PCDHGA10: variants seen among roughly 807,000 people sequenced by gnomAD.
PCDHGA10 encodes protocadherin gamma-A10.
In PCDHGA10, 42 loss-of-function variants were observed where a neutral mutation model predicts 59.5. The observed-to-expected ratio is 0.71, with a 90% confidence interval of 0.55 to 0.91. The LOEUF is 0.91. PCDHGA10 is among the 40% of genes least tolerant of loss of function. The pLI, the probability that PCDHGA10 is intolerant of heterozygous loss-of-function variation, is 0.00. For missense variants in PCDHGA10, 1,111 were observed against 1,198.2 expected (o/e 0.93, Z 1.07); for synonymous variants, 511 against 517.2 (o/e 0.99, Z 0.16).
intron 1 of PCDHGA10, among the ~76,000 whole-genome samples, chr5:141,481,105 T>C (rs1357970765): frequency 6.6e-6 from 1 of 152,188 alleles, no homozygotes; most frequent in Non-Finnish European, 1.5e-5. Flanking sequence ...CTCTGGAACC[T>C]ACCAATCCAT....
chr5:141,422,069 C>A, intron 1 of PCDHGA10: 3 of 1,611,836 alleles, frequency 1.9e-6, no homozygotes, highest in Non-Finnish European at 2.5e-6. Flanking sequence ...GTAATGTATT[C>A]ATTTCGGAAC....
rs1275819200 is a variant in PCDHGA10, at chr5:141,491,620, A to G, written c.2437-3187A>G. 5 of 1,613,788 alleles carry G rather than the reference A, an allele frequency of 3.1e-6. No individual in the cohort carries two copies. Among genetic ancestry groups the G allele is most frequent in the Non-Finnish European group, 4.2e-6 (5 of 1,180,014 alleles). On this transcript the variant is annotated intron_variant, in intron 1 of 3. Coordinates refer to ENST00000398610, the MANE Select transcript of PCDHGA10 (RefSeq NM_018913.3). The surrounding 1 kb of genome is among the most constrained non-coding windows in gnomAD (Gnocchi z 6.9). ...TGACTTCACTTTTCTAAGACCCCTC[A>G]GCGTTCAGCAGCCCACAGCTCTGGC...
intron 1 of PCDHGA10, among the ~76,000 whole-genome samples, chr5:141,439,662 G>A (rs2098125902): frequency 6.6e-6 from 1 of 152,150 alleles, no homozygotes; most frequent in South Asian, 2.1e-4. Flanking sequence ...TAATTTCATG[G>A]AATGCAAATC....
chr5:141,437,800 C>G (rs963856257), intron 1 of PCDHGA10, among the ~76,000 whole-genome samples: 1 of 150,744 alleles, frequency 6.6e-6, no homozygotes, highest in African/African-American at 2.4e-5. Flanking sequence ...TGCAGTGGCA[C>G]TATCTTGGCT....
intron 1 of PCDHGA10, among the ~76,000 whole-genome samples, chr5:141,454,065 G>A (rs1167102666): frequency 1.3e-5 from 2 of 152,204 alleles, no homozygotes; most frequent in Non-Finnish European, 2.9e-5. Flanking sequence ...AGAAACAAAA[G>A]TGATAATGTT....
chr5:141,506,085 G>A lies in PCDHGA10; in HGVS notation c.2584+604G>A, dbSNP rs532931472. Among the ~76,000 whole-genome samples the A allele has an allele frequency of 2.6e-4, 39 of 152,168 alleles. 1 individual carries two copies. In the South Asian group the frequency reaches 2.9e-3, roughly 11 times the overall value. On this transcript the variant is annotated intron_variant, in intron 3 of 3. Coordinates refer to ENST00000398610, the MANE Select transcript of PCDHGA10 (RefSeq NM_018913.3). ...AGGGCTTCCTTTGTAATAGAGATTC[G>A]GCTAGTGGTGGTTGTCCCTGAAGAG...
chr5:141,422,066 A>G, intron 1 of PCDHGA10: 1 of 1,612,154 alleles, frequency 6.2e-7, no homozygotes. Context: ...GAAGTAATGT[A>G]TTCATTTCGG....
chr5:141,472,290 C>T (rs2099275934), intron 1 of PCDHGA10, among the ~76,000 whole-genome samples: 2 of 152,096 alleles, frequency 1.3e-5, no homozygotes, highest in Admixed American at 6.6e-5. Flanking sequence ...ACCTGTAATC[C>T]CAGCACTTTG....
Position 141,486,335 on chromosome 5 carries a change from C to T in PCDHGA10, c.2437-8472C>T, listed in dbSNP as rs762408704. ...AGGGTCAAACGGAGATGTGAGCCTC[C>T]GCATTCCTGACCACTTGCCATTTGC... On this transcript the variant is annotated intron_variant, in intron 1 of 3. Transcript: ENST00000398610. The surrounding 1 kb of genome is among the most constrained non-coding windows in gnomAD (Gnocchi z 5.0). 6.2e-6 allele frequency: 10 copies of T among 1,613,936 alleles called. No individual in the cohort carries two copies. Among genetic ancestry groups the T allele is most frequent in the Middle Eastern group, 1.6e-4 (1 of 6,082 alleles).
intron 1 of PCDHGA10, among the ~76,000 whole-genome samples, chr5:141,484,544 A>G (rs1160398392): frequency 6.6e-6 from 1 of 152,144 alleles, no homozygotes; most frequent in Non-Finnish European, 1.5e-5. Flanking sequence ...CAGTGGTTCT[A>G]ATTAGCAGTT....
Position 141,432,046 on chromosome 5 carries a change from C to G in PCDHGA10, c.2436+16435C>G, listed in dbSNP as rs1389286417. The G allele has an allele frequency of 6.2e-7, 1 of 1,614,224 alleles. No individual in the cohort carries two copies. The highest frequency in any genetic ancestry group is 2.2e-5 in the East Asian group (1 of 44,886). The stretch of plus-strand genomic sequence containing the variant: ...CAGTGACCGCCACTGACCGGGGAAC[C>G]CCGCCCCTATCCACGGAAACTCATA... On this transcript the variant is annotated intron_variant, in intron 1 of 3. Coordinates refer to ENST00000398610, the MANE Select transcript of PCDHGA10 (RefSeq NM_018913.3). This position sits in a 1 kb window ranked among gnomAD's most constrained non-coding sequence, Gnocchi z 6.0.
intron 1 of PCDHGA10, among the ~76,000 whole-genome samples, chr5:141,446,868 C>T (rs980547855): frequency 6.6e-6 from 1 of 152,160 alleles, no homozygotes; most frequent in Non-Finnish European, 1.5e-5. Flanking sequence ...TAGCTCTACA[C>T]TGGTATGTTT....
At chr5:141,422,500 G>A (rs762511271) in intron 1 of PCDHGA10, 1 of 1,614,008 alleles carries the variant, frequency 6.2e-7, no homozygotes, top group Non-Finnish European at 8.5e-7. Flanking sequence ...AACGTTGACA[G>A]CCACAGACCA....
chr5:141,421,927 C>T (rs1179128418), intron 1 of PCDHGA10: 2 of 1,613,396 alleles, frequency 1.2e-6, no homozygotes, highest in African/African-American at 2.7e-5. Flanking sequence ...TGTGGTGGTC[C>T]TCGATGTAAA....
Position 141,485,597 on chromosome 5 carries a change from A to G in PCDHGA10, c.2437-9210A>G. On this transcript the variant is annotated intron_variant, in intron 1 of 3. Coordinates refer to ENST00000398610, the MANE Select transcript of PCDHGA10 (RefSeq NM_018913.3). This position sits in a 1 kb window ranked among gnomAD's most constrained non-coding sequence, Gnocchi z 5.7. ...TCCGCGGCAGCAGCTGGACTTGGAA[A>G]TTGGGGAGGCAGCTCCTCCAGGACA... The G allele has an allele frequency of 6.2e-7, 1 of 1,612,468 alleles. No homozygotes were observed. The highest frequency in any genetic ancestry group is 8.5e-7 in the Non-Finnish European group (1 of 1,178,718).
At chr5:141,420,289 AT>A in intron 1 of PCDHGA10, 1 of 1,497,936 alleles carries the variant, frequency 6.7e-7, no homozygotes, top group Non-Finnish European at 9.0e-7. Flanking sequence ...GTATTTAAAA[AT>A]GTATTTAATC....
At chr5:141,434,323 T>G (rs578049856) in intron 1 of PCDHGA10, among the ~76,000 whole-genome samples, 1 of 152,358 alleles carries the variant, frequency 6.6e-6, no homozygotes, top group South Asian at 2.1e-4. Flanking sequence ...CTCTTGCTGC[T>G]TGTCTCTTTG....
intron 1 of PCDHGA10, chr5:141,416,504 C>G (rs966090979): frequency 1.3e-5 from 2 of 152,040 alleles, no homozygotes; most frequent in African/African-American, 4.8e-5. Flanking sequence ...AGATATATGA[C>G]AAAGCTATTT....
rs774682943 is a variant in PCDHGA10 at position 141,493,841 on chromosome 5, T to G, written c.2437-966T>G. Among the ~76,000 whole-genome samples the G allele has an allele frequency of 3.3e-5, 5 of 152,024 alleles. No homozygotes were observed. Among genetic ancestry groups the G allele is most frequent in the Non-Finnish European group, 7.4e-5 (5 of 68,010 alleles). On this transcript the variant is annotated intron_variant, in intron 1 of 3. Transcript: ENST00000398610. This position sits in a 1 kb window ranked among gnomAD's most constrained non-coding sequence, Gnocchi z 4.3. The stretch of plus-strand genomic sequence containing the variant: ...CTCTGCTTCTGGGAGCAAGTATGAG[T>G]ATTAATTACCAGCCCACCCCAGAAC...
Sources: allele counts gnomAD v4.1 joint callset (sites outside exome capture counted in the v4.1 genomes callset), GRCh38; gene constraint gnomAD v4.1.1; non-coding constraint Gnocchi (gnomAD v3.1); transcripts MANE v1.5; gene names NCBI Gene and HGNC (gene_info 2026-07-23, HGNC 2026-07-21).